The following PTPRD variants were observed in gnomAD, a reference collection of about 807,000 sequenced individuals.
PTPRD encodes receptor-type tyrosine-protein phosphatase delta.
In PTPRD, 34 loss-of-function variants were observed where a neutral mutation model predicts 214.5. That is an observed-to-expected ratio of 0.16 (90% confidence interval 0.12 to 0.21). The LOEUF is 0.21. PTPRD is among the 10% of genes least tolerant of loss of function. The probability of loss-of-function intolerance (pLI) is 1.00; values close to 1 mark genes in which losing one functional copy is unlikely to be tolerated. For missense variants in PTPRD, 2,545 were observed against 2,398.7 expected, an observed-to-expected ratio of 1.06 and a Z score of -1.27; for synonymous variants, 1,128 against 845.7, an observed-to-expected ratio of 1.33 and a Z score of -5.79.
chr9:8,688,796 T>C (rs1216222283), intron 12 of PTPRD, among the ~76,000 whole-genome samples: 1 of 152,106 alleles, frequency 6.6e-6, no homozygotes, highest in Non-Finnish European at 1.5e-5. Flanking sequence ...CCAAAAAATA[T>C]ACATCAAACT....
intron 8 of PTPRD, among the ~76,000 whole-genome samples, chr9:9,419,591 C>G (rs2142377351): frequency 6.6e-6 from 1 of 151,760 alleles, no homozygotes; most frequent in East Asian, 1.9e-4. Flanking sequence ...TAAACTTTAA[C>G]AGAAGCAGTA....
At chr9:8,855,966 C>T (rs146745589) in intron 11 of PTPRD, among the ~76,000 whole-genome samples, 173 of 152,234 alleles carry the variant, frequency 1.1e-3, no homozygotes, top group African/African-American at 4.0e-3. Context: ...AAATCTGCCA[C>T]AGAATTGCTA....
intron 10 of PTPRD, among the ~76,000 whole-genome samples, chr9:9,164,278 T>C (rs2154495297): frequency 6.6e-6 from 1 of 152,254 alleles, no homozygotes; most frequent in South Asian, 2.1e-4. Flanking sequence ...TCCCTTCCTC[T>C]ATCTTCAAAG....
intron 9 of PTPRD, among the ~76,000 whole-genome samples, chr9:9,240,019 A>G (rs1055754908): frequency 1.1e-4 from 16 of 152,140 alleles, no homozygotes; most frequent in Admixed American, 2.6e-4. Flanking sequence ...ATTGGTTTCA[A>G]TTTTTCAAAA....
chr9:10,455,040 T>G lies in PTPRD; in HGVS notation c.-599-114023A>C, dbSNP rs112081988. ...TTTTTAAGAATACTTTTTAAAAATGTCCTATTCCATACCATCTCTCAACTA... is the reference window on the plus strand; with the variant it reads ...TTTTTAAGAATACTTTTTAAAAATGGCCTATTCCATACCATCTCTCAACTA... On this transcript the variant is annotated intron_variant, in intron 2 of 45. Transcript: ENST00000381196. 9.9e-3 allele frequency among the ~76,000 whole-genome samples: 1,500 copies of G among 151,834 alleles called. 19 individuals are homozygous for G. The highest frequency in any genetic ancestry group is 0.028 in the African/African-American group (1,178 of 41,518).
intron 3 of PTPRD, among the ~76,000 whole-genome samples, chr9:10,292,338 C>T (rs1351875944): frequency 6.6e-6 from 1 of 152,008 alleles, no homozygotes; most frequent in Non-Finnish European, 1.5e-5. Context: ...GTCCAAACCA[C>T]CTTATAGTGT....
chr9:9,577,158 T>G (rs1020269214), intron 7 of PTPRD, among the ~76,000 whole-genome samples: 1 of 152,130 alleles, frequency 6.6e-6, no homozygotes, highest in Admixed American at 6.6e-5. Flanking sequence ...CCAAATCAGA[T>G]AGGTAATTTT....
At chr9:9,181,306 G>A (rs2099928061) in intron 10 of PTPRD, among the ~76,000 whole-genome samples, 1 of 151,736 alleles carries the variant, frequency 6.6e-6, no homozygotes, top group Non-Finnish European at 1.5e-5. Flanking sequence ...TGAAAATACA[G>A]TTAGAAAAAA....
chr9:10,013,658 C>T (rs10809008), intron 4 of PTPRD, among the ~76,000 whole-genome samples: 64,508 of 151,574 alleles, frequency 0.43, 16,192 homozygotes, highest in Middle Eastern at 0.6. Flanking sequence ...ACAAAGACTC[C>T]AGTACACATG....
chr9:9,734,074 G>A (rs1055822139), intron 7 of PTPRD, among the ~76,000 whole-genome samples: 9 of 152,100 alleles, frequency 5.9e-5, no homozygotes, highest in Non-Finnish European at 1.0e-4. Context: ...TGTGTTTCTA[G>A]CTTTACAACA....
intron 11 of PTPRD, among the ~76,000 whole-genome samples, chr9:8,823,033 G>A (rs1213118214): frequency 6.6e-6 from 1 of 152,090 alleles, no homozygotes; most frequent in African/African-American, 2.4e-5. Context: ...AGAAAGTACA[G>A]AGGATCTAGT....
At chr9:10,128,414 G>C (rs1006378379) in intron 3 of PTPRD, among the ~76,000 whole-genome samples, 1 of 152,102 alleles carries the variant, frequency 6.6e-6, no homozygotes, top group African/African-American at 2.4e-5. Context: ...GATCAAGGCA[G>C]AGATCAGGAT....
At chr9:10,503,208 C>CAAAAAACA (rs1555437406) in intron 2 of PTPRD, among the ~76,000 whole-genome samples, 55 of 118,476 alleles carry the variant, frequency 4.6e-4, no homozygotes, top group African/African-American at 1.6e-3. Context: ...AAAAAAAAAA[C>CAAAAAACA]AAAAAAAAAC....
intron 6 of PTPRD, among the ~76,000 whole-genome samples, chr9:9,757,519 A>C (rs1448949998): frequency 1.3e-5 from 2 of 152,190 alleles, no homozygotes; most frequent in Non-Finnish European, 2.9e-5. Context: ...GATTTCAGAA[A>C]AAGTTAAAAC....
At chr9:8,753,013 T>C (rs1318336054) in intron 11 of PTPRD, among the ~76,000 whole-genome samples, 3 of 152,360 alleles carry the variant, frequency 2.0e-5, no homozygotes, top group Non-Finnish European at 4.4e-5. Flanking sequence ...TACCCTACTT[T>C]AAATACTCAG....
intron 14 of PTPRD, among the ~76,000 whole-genome samples, chr9:8,606,766 AT>A (rs1432909019): frequency 1.3e-5 from 2 of 152,190 alleles, no homozygotes; most frequent in African/African-American, 4.8e-5. Flanking sequence ...CTATACAATA[AT>A]CTCTCTCACC....
intron 11 of PTPRD, among the ~76,000 whole-genome samples, chr9:8,739,181 G>C (rs1462011145): frequency 6.6e-6 from 1 of 152,174 alleles, no homozygotes; most frequent in Non-Finnish European, 1.5e-5. Flanking sequence ...ACCTGACAGA[G>C]GCTTCAGGGG....
chr9:8,962,089 C>A (rs1478936298), intron 11 of PTPRD: 3 of 152,086 alleles, frequency 2.0e-5, no homozygotes, highest in African/African-American at 7.2e-5. Context: ...AGAGCCATTT[C>A]TTCTTTCTAA....
chr9:9,633,505 A>G (rs987783493), intron 7 of PTPRD, among the ~76,000 whole-genome samples: 19 of 141,010 alleles, frequency 1.3e-4, no homozygotes, highest in African/African-American at 4.3e-4. Flanking sequence ...TAGAATTTAG[A>G]TGTAAGGTTA....
Sources: gnomAD v4.1 joint callset for allele counts (sites outside exome capture counted in the v4.1 genomes callset) on GRCh38, gnomAD v4.1.1 for gene constraint, MANE v1.5 for transcripts, NCBI Gene and HGNC (gene_info 2026-07-23, HGNC 2026-07-21) for gene names.